EVC2: variants seen among roughly 807,000 people sequenced by gnomAD.
EVC2 encodes limbin.
EVC2 carries 148 observed loss-of-function variants against 149.3 expected under a neutral mutation model. That is an observed-to-expected ratio of 0.99 (90% CI 0.87 to 1.14). EVC2 has a LOEUF of 1.14. EVC2 is among the 50% of genes most tolerant of loss of function. The pLI is 0.00. For synonymous variants in EVC2, 776 were observed against 649.9 expected, an observed-to-expected ratio of 1.19 and a Z score of -2.95; for missense variants, 1,854 against 1,627.3, an observed-to-expected ratio of 1.14 and a Z score of -2.40.
chr4:5,677,663 C>T lies in EVC2; in HGVS notation c.870+3597G>A, dbSNP rs1720082485. Among the ~76,000 whole-genome samples, 1 of 152,226 alleles carries T rather than the reference C, an allele frequency of 6.6e-6. No homozygotes were observed. The highest frequency in any genetic ancestry group is 2.4e-5 in the African/African-American group (1 of 41,454). On this transcript the variant is annotated intron_variant, in intron 7 of 21. Transcript: ENST00000344408. The surrounding 1 kb of genome is among the most constrained non-coding windows in gnomAD (Gnocchi z 4.3). ...TGAGCATTCTCTGCCTTTTATTACA[C>T]TCATACAGCAACCAGCCACCTCCTC...
chr4:5,697,816 A>G (rs1245244983), intron 1 of EVC2, among the ~76,000 whole-genome samples, 169 bp from the exon 2 acceptor site: 1 of 149,868 alleles, frequency 6.7e-6, no homozygotes, highest in African/African-American at 2.5e-5. Flanking sequence ...CGCGATCTCG[A>G]CTTACTACAA....
intron 2 of EVC2, among the ~76,000 whole-genome samples, chr4:5,697,042 C>T (rs996522630): frequency 2.6e-5 from 4 of 152,150 alleles, no homozygotes; most frequent in South Asian, 2.1e-4. Context: ...TACTGAGGCA[C>T]GATGCCATGC....
the EVC2 span, among the ~76,000 whole-genome samples, chr4:5,535,730 C>T: frequency 6.6e-6 from 1 of 152,152 alleles, no homozygotes; most frequent in East Asian, 1.9e-4. The surrounding 1 kb of genome is among the most constrained non-coding windows in gnomAD (Gnocchi z 4.7). Context: ...AATCACCTCC[C>T]AAAGCCCCAC....
chr4:5,691,236 T>A (rs1423401749), intron 4 of EVC2, 29 bp downstream of exon 4: 14 of 1,594,742 alleles, frequency 8.8e-6, no homozygotes, highest in Non-Finnish European at 1.1e-5. Flanking sequence ...TATTTTCTCT[T>A]CAAATATACA....
At chr4:5,535,504 G>A in the EVC2 span, among the ~76,000 whole-genome samples, 2 of 151,910 alleles carry the variant, frequency 1.3e-5, no homozygotes, top group African/African-American at 4.8e-5. This position sits in a 1 kb window ranked among gnomAD's most constrained non-coding sequence, Gnocchi z 4.7. Context: ...ATTACAGACT[G>A]GGTGGCTGAA....
Position 5,546,447 on chromosome 4 carries a change from C to G in EVC2, c.3420-3235G>C, listed in dbSNP as rs573215867. Reference sequence around the variant, plus strand: ...GGATGAAACTGGAAACCATCATTCTCAGCAAACTATCGCAAGGACAAAAAA... The same window carrying G: ...GGATGAAACTGGAAACCATCATTCTGAGCAAACTATCGCAAGGACAAAAAA... On this transcript the variant is annotated intron_variant and NMD_transcript_variant, in intron 21 of 22. Coordinates refer to the EVC2 transcript ENST00000475313. Among the ~76,000 whole-genome samples the G allele has an allele frequency of 6.9e-3, 1,057 of 152,112 alleles. 12 individuals carry two copies. The highest frequency in any genetic ancestry group is 0.024 in the African/African-American group (1,009 of 41,472).
At chr4:5,560,875 C>G (rs1404415728), downstream of EVC2, among the ~76,000 whole-genome samples, 1 of 152,096 alleles carries the variant, frequency 6.6e-6, no homozygotes. This position sits in a 1 kb window ranked among gnomAD's most constrained non-coding sequence, Gnocchi z 4.1. Context: ...ACAGTTTAAA[C>G]CTGGTCTATC....
chr4:5,576,884 G>A lies in EVC2; in HGVS notation c.3058-430C>T, dbSNP rs949398791. Among the ~76,000 whole-genome samples, 1 of 152,184 alleles carries A rather than the reference G, an allele frequency of 6.6e-6. No homozygotes were observed. Among genetic ancestry groups the A allele is most frequent in the Non-Finnish European group, 1.5e-5 (1 of 68,040 alleles). On this transcript the variant is annotated intron_variant, in intron 17 of 21. Coordinates refer to ENST00000344408, the MANE Select transcript of EVC2 (RefSeq NM_147127.5). This position sits in a 1 kb window ranked among gnomAD's most constrained non-coding sequence, Gnocchi z 4.5. ...CTGTCCTGTGCCTTTCTGCTACAGT[G>A]TGAGCTCTTTGAGGGCAGGGCTGTG...
intron 21 of EVC2, among the ~76,000 whole-genome samples, chr4:5,555,912 G>C (rs1721829686): frequency 6.6e-6 from 1 of 152,256 alleles, no homozygotes. Flanking sequence ...GGGTGTGGTG[G>C]CTCATTCCTG....
chr4:5,615,553 G>A lies in EVC2; in HGVS notation c.2707-9C>T. The stretch of plus-strand genomic sequence containing the variant: ...CTCACCTTGGACTGTTGCTGGAGAG[G>A]GGTTGGGGAAGACGTGGGTAAGAAG... On this transcript the variant is annotated splice_polypyrimidine_tract_variant and intron_variant, in intron 15 of 21. Coordinates refer to ENST00000344408, the MANE Select transcript of EVC2 (RefSeq NM_147127.5). 1 of 1,614,150 alleles carries A rather than the reference G, an allele frequency of 6.2e-7. No individual in the cohort carries two copies.
chr4:5,649,464 C>T (rs1334811729), intron 9 of EVC2, among the ~76,000 whole-genome samples: 1 of 152,130 alleles, frequency 6.6e-6, no homozygotes, highest in Non-Finnish European at 1.5e-5. Flanking sequence ...TGATTAGCTA[C>T]TAATGATAAA....
chr4:5,537,130 G>A, the EVC2 span, among the ~76,000 whole-genome samples: 1 of 152,316 alleles, frequency 6.6e-6, no homozygotes, highest in South Asian at 2.1e-4. Context: ...GGAGAAAGAT[G>A]AGGTGAGCCT....
rs1269276579 is a variant in EVC2, at chr4:5,636,073, C to G, written c.1471-4041G>C. On this transcript the variant is annotated intron_variant, in intron 10 of 21. Transcript: ENST00000344408. This position sits in a 1 kb window ranked among gnomAD's most constrained non-coding sequence, Gnocchi z 4.6. The stretch of plus-strand genomic sequence containing the variant: ...GGCTGAAGTACTATACGAGAATTAA[C>G]TTACTTATACTCACAACAGCCCTCT... Among the ~76,000 whole-genome samples, 1 of 152,198 alleles carries G rather than the reference C, an allele frequency of 6.6e-6. No individual in the cohort carries two copies. The highest frequency in any genetic ancestry group is 1.5e-5 in the Non-Finnish European group (1 of 68,048).
intron 21 of EVC2, 25 bp downstream of exon 21, chr4:5,565,233 C>T (rs1302884456): frequency 6.8e-6 from 11 of 1,610,104 alleles, no homozygotes; most frequent in Non-Finnish European, 9.3e-6. Context: ...CCTCCCCAGC[C>T]ACATGAGCAG....
At chr4:5,582,171 C>A (rs1488215810) in intron 17 of EVC2, among the ~76,000 whole-genome samples, 4 of 152,204 alleles carry the variant, frequency 2.6e-5, no homozygotes, top group Admixed American at 6.5e-5. Flanking sequence ...GATAAGGGGG[C>A]TGCTATCCTC....
At chr4:5,601,933 G>A (rs1166094588) in intron 16 of EVC2, among the ~76,000 whole-genome samples, 1 of 152,146 alleles carries the variant, frequency 6.6e-6, no homozygotes, top group South Asian at 2.1e-4. Flanking sequence ...AACAGAAGAT[G>A]TGACATGTGT....
intron 7 of EVC2, among the ~76,000 whole-genome samples, chr4:5,671,657 G>A (rs924872936): frequency 2.6e-5 from 4 of 152,038 alleles, no homozygotes; most frequent in Non-Finnish European, 5.9e-5. Context: ...GATTACAGGC[G>A]CCTGCCACCA....
chr4:5,575,753 C>A (rs561828688), intron 18 of EVC2, among the ~76,000 whole-genome samples: 2 of 152,234 alleles, frequency 1.3e-5, no homozygotes, highest in African/African-American at 4.8e-5. Flanking sequence ...TGAAAAACAA[C>A]GCAAAGAACA....
chr4:5,555,057 T>C (rs1721809804), intron 21 of EVC2, among the ~76,000 whole-genome samples: 1 of 4,700 alleles, frequency 2.1e-4, no homozygotes, highest in Non-Finnish European at 2.2e-3. Flanking sequence ...TGCACATGCA[T>C]GTGTGTAAGG....
Sources: gnomAD v4.1 joint callset for allele counts (sites outside exome capture counted in the v4.1 genomes callset) on GRCh38, gnomAD v4.1.1 for gene constraint, Gnocchi (gnomAD v3.1) non-coding constraint, MANE v1.5 for transcripts, NCBI Gene and HGNC (gene_info 2026-07-23, HGNC 2026-07-21) for gene names.